ACER1: variants seen among roughly 807,000 people sequenced by gnomAD.
ACER1 encodes CTB-180A7.3.
ACER1 carries 28 observed loss-of-function variants against 24.9 expected under a neutral mutation model. The observed-to-expected ratio is 1.13, with a 90% CI of 0.83 to 1.54. The LOEUF (loss-of-function observed/expected upper bound fraction) is 1.54. Among genes scored for constraint, ACER1 ranks in the 40% most tolerant of loss-of-function variants. ACER1 has a pLI of 0.00. For missense variants in ACER1, 352 were observed against 349.3 expected (o/e 1.01, Z -0.06); for synonymous variants, 132 against 131.4 (o/e 1.00, Z -0.03).
At chr19:6,323,245 C>T (rs943612461) in intron 1 of ACER1, among the ~76,000 whole-genome samples, 7 of 152,004 alleles carry the variant, frequency 4.6e-5, no homozygotes, top group African/African-American at 1.4e-4. Context: ...ACAGTGAAAC[C>T]CCATCTCTAC....
chr19:6,358,793 C>T, the ACER1 span, among the ~76,000 whole-genome samples: 2 of 148,548 alleles, frequency 1.3e-5, no homozygotes, highest in Admixed American at 6.8e-5. Flanking sequence ...ATTAGCTGGG[C>T]GTGGTGGTGG....
intron 1 of ACER1, among the ~76,000 whole-genome samples, chr19:6,325,495 A>T (rs921670390): frequency 1.2e-4 from 19 of 152,170 alleles, no homozygotes. Flanking sequence ...TCTATTAAAA[A>T]TACAAAAAAT....
the ACER1 span, among the ~76,000 whole-genome samples, chr19:6,339,244 G>A: frequency 6.6e-6 from 1 of 152,152 alleles, no homozygotes; most frequent in South Asian, 2.1e-4. Flanking sequence ...TAAACACAAT[G>A]TGTGTGGTTC....
chr19:6,354,659 C>T, the ACER1 span, among the ~76,000 whole-genome samples: 1 of 152,190 alleles, frequency 6.6e-6, no homozygotes, highest in Non-Finnish European at 1.5e-5. Flanking sequence ...GTGGCTCACG[C>T]CTGTAATCCC....
intron 1 of ACER1, among the ~76,000 whole-genome samples, chr19:6,315,220 T>C (rs1304480334): frequency 1.3e-5 from 2 of 148,386 alleles, no homozygotes; most frequent in African/African-American, 2.6e-5. Flanking sequence ...TATTTATTTA[T>C]TGAGACAGGG....
At chr19:6,307,011 A>T in intron 5 of ACER1, 129 bp from the exon 6 acceptor site, 1 of 1,487,874 alleles carries the variant, frequency 6.7e-7, no homozygotes, top group Non-Finnish European at 9.1e-7. Flanking sequence ...CCGTGACTGC[A>T]GCCTTCCCCT....
intron 1 of ACER1, among the ~76,000 whole-genome samples, chr19:6,332,548 C>T (rs1177431746): frequency 6.6e-6 from 1 of 152,144 alleles, no homozygotes; most frequent in African/African-American, 2.4e-5. Context: ...GCTGGGGTTA[C>T]AGGCATGAGC....
At chr19:6,321,342 T>A (rs1330564753) in intron 1 of ACER1, among the ~76,000 whole-genome samples, 6 of 152,170 alleles carry the variant, frequency 3.9e-5, no homozygotes, top group Non-Finnish European at 7.4e-5. Context: ...GGCTTTGCCA[T>A]CTTGGCAAGA....
At chr19:6,317,373 G>A (rs970633802) in intron 1 of ACER1, among the ~76,000 whole-genome samples, 6 of 152,192 alleles carry the variant, frequency 3.9e-5, no homozygotes, top group Non-Finnish European at 7.3e-5. Flanking sequence ...AACAGATTAC[G>A]ACTACAGTTC....
the ACER1 span, among the ~76,000 whole-genome samples, chr19:6,342,441 C>T: frequency 1.3e-5 from 2 of 151,644 alleles, no homozygotes; most frequent in Non-Finnish European, 2.9e-5. Context: ...TATTTCAGAC[C>T]GGGAGTGGTG....
chr19:6,355,056 T>C, the ACER1 span, among the ~76,000 whole-genome samples: 1 of 152,042 alleles, frequency 6.6e-6, no homozygotes, highest in Non-Finnish European at 1.5e-5. Context: ...AGCTCCTAAG[T>C]GCGAGTGATC....
At chr19:6,349,775 T>A in the ACER1 span, among the ~76,000 whole-genome samples, 1 of 152,068 alleles carries the variant, frequency 6.6e-6, no homozygotes, top group Non-Finnish European at 1.5e-5. Context: ...ATCCTAAACA[T>A]GGAAGCTGGA....
chr19:6,320,038 G>A (rs1436273272), intron 1 of ACER1, among the ~76,000 whole-genome samples: 1 of 150,342 alleles, frequency 6.7e-6, no homozygotes, highest in Non-Finnish European at 1.5e-5. Context: ...TGAACGTGGA[G>A]GCTGCAGTGA....
intron 1 of ACER1, among the ~76,000 whole-genome samples, chr19:6,314,314 C>CA (rs1179944446): frequency 3.3e-5 from 5 of 150,892 alleles, no homozygotes; most frequent in African/African-American, 9.7e-5. Context: ...TACTAAAATA[C>CA]AAAAAAATAG....
At chr19:6,318,259 C>T (rs1568310426) in intron 1 of ACER1, among the ~76,000 whole-genome samples, 1 of 114,786 alleles carries the variant, frequency 8.7e-6, no homozygotes, top group South Asian at 3.4e-4. Context: ...CACCTGAAGT[C>T]GGGAGTTCGA....
At chr19:6,307,990 G>A (rs2091560177) in intron 4 of ACER1, among the ~76,000 whole-genome samples, 1 of 149,520 alleles carries the variant, frequency 6.7e-6, no homozygotes, top group South Asian at 2.1e-4. Flanking sequence ...TACTTGGGAG[G>A]CTGAGCCACT....
intron 1 of ACER1, among the ~76,000 whole-genome samples, chr19:6,313,206 T>C (rs1033920647): frequency 6.6e-6 from 1 of 151,632 alleles, no homozygotes; most frequent in African/African-American, 2.4e-5. Flanking sequence ...GCAGCCTCAA[T>C]CAGCTGAGCT....
At chr19:6,309,885 T>C in intron 3 of ACER1, 51 bp from the exon 4 acceptor site, 1 of 1,607,712 alleles carries the variant, frequency 6.2e-7, no homozygotes, top group Non-Finnish European at 8.5e-7. Context: ...CCTGGGATTG[T>C]AGGCATGGTC....
intron 1 of ACER1, among the ~76,000 whole-genome samples, chr19:6,322,424 AC>A (rs1322947170): frequency 6.6e-6 from 1 of 152,114 alleles, no homozygotes; most frequent in Admixed American, 6.6e-5. Flanking sequence ...GGACTCGAGC[AC>A]ATCTTCTTCT....
Sources: allele counts gnomAD v4.1 joint callset (sites outside exome capture counted in the v4.1 genomes callset), GRCh38; gene constraint gnomAD v4.1.1; transcripts MANE v1.5; gene names NCBI Gene and HGNC (gene_info 2026-07-23, HGNC 2026-07-21).